CENPC: variants seen among roughly 807,000 people sequenced by gnomAD.
The protein encoded by CENPC is centromere protein C.
Under a neutral mutation model 112.1 loss-of-function variants are expected in CENPC, and 63 were observed. That is an observed-to-expected ratio of 0.56 (90% CI 0.46 to 0.69). CENPC has a LOEUF of 0.69. Ranked by LOEUF, CENPC falls within the 30% of genes least tolerant of loss-of-function variation. The probability of loss-of-function intolerance (pLI) is 0.00; values close to 1 mark genes in which losing one functional copy is unlikely to be tolerated. For missense variants in CENPC, 1,000 were observed against 1,103.8 expected (o/e 0.91, Z 1.33); for synonymous variants, 333 against 367.6 (o/e 0.91, Z 1.08).
At chr4:67,472,717 G>C in intron 18 of CENPC, 42 bp from the exon 19 acceptor site, 2 of 1,441,472 alleles carry the variant, frequency 1.4e-6, no homozygotes, top group Non-Finnish European at 1.8e-6. Flanking sequence ...ATTTACATAT[G>C]AATCATTCTT....
At chr4:67,474,343 G>A (rs1042795054) in intron 18 of CENPC, among the ~76,000 whole-genome samples, 6 of 152,072 alleles carry the variant, frequency 3.9e-5, no homozygotes, top group Admixed American at 3.9e-4. Context: ...GGTATTACAG[G>A]CATGAGCCAC....
At position 67,469,382 on chromosome 4, in the gene CENPC, G is replaced by A. The variant is rs996778002; in HGVS notation, c.*3223C>T. 5.9e-5 allele frequency: 9 copies of A among 152,036 alleles called. No individual in the cohort carries two copies. Among genetic ancestry groups the A allele is most frequent in the East Asian group, 5.8e-4 (3 of 5,174 alleles). The allele number at this position is 152,036 out of a possible 1,614,324, so 9.4% of individuals were successfully genotyped here. ...CTTTTTTTGAGTCAGAGTCTTGCTC[G>A]GCTGCCCAGCCTGGAGTGCAGTTGC... On this transcript the variant is annotated 3_prime_UTR_variant, in exon 19 of 19. Transcript: ENST00000273853.
At chr4:67,531,587 C>A (rs1025470447) in intron 4 of CENPC, among the ~76,000 whole-genome samples, 1 of 152,124 alleles carries the variant, frequency 6.6e-6, no homozygotes, top group Admixed American at 6.5e-5. Context: ...TCTGGGAGTG[C>A]GTAAAATTTT....
chr4:67,480,847 C>T (rs996511125), intron 17 of CENPC, among the ~76,000 whole-genome samples: 2 of 152,060 alleles, frequency 1.3e-5, no homozygotes, highest in African/African-American at 4.8e-5. Context: ...TCATACTGAA[C>T]AAGGAAAAGT....
chr4:67,474,735 T>A, intron 18 of CENPC, 153 bp downstream of exon 18: 1 of 637,098 alleles, frequency 1.6e-6, no homozygotes, highest in Admixed American at 3.2e-5. Context: ...GCTAATACAC[T>A]TACCTAATGA....
At chr4:67,504,324 A>T (rs935770492) in intron 12 of CENPC, among the ~76,000 whole-genome samples, 1 of 152,180 alleles carries the variant, frequency 6.6e-6, no homozygotes, top group Non-Finnish European at 1.5e-5. Flanking sequence ...ACCAAAGAAA[A>T]AGCAGAAAAA....
At chr4:67,498,357 T>C (rs1197525713) in intron 12 of CENPC, among the ~76,000 whole-genome samples, 11 of 152,208 alleles carry the variant, frequency 7.2e-5, no homozygotes, top group Non-Finnish European at 1.5e-4. Flanking sequence ...CTGATCAGGC[T>C]GGGGTGTCTG....
At chr4:67,485,276 A>G (rs1239896768) in intron 17 of CENPC, among the ~76,000 whole-genome samples, 1 of 152,224 alleles carries the variant, frequency 6.6e-6, no homozygotes, top group Non-Finnish European at 1.5e-5. Flanking sequence ...GTAAAAGAGG[A>G]TAAATCTCTC....
chr4:67,493,797 G>C (rs996660341), intron 14 of CENPC, 87 bp downstream of exon 14: 4 of 730,286 alleles, frequency 5.5e-6, no homozygotes, highest in Non-Finnish European at 9.1e-6. Context: ...ATTAAGTAAG[G>C]TAATGTATAT....
chr4:67,521,251 A>G (rs1721572385), intron 5 of CENPC, among the ~76,000 whole-genome samples: 1 of 148,988 alleles, frequency 6.7e-6, no homozygotes, highest in Non-Finnish European at 1.5e-5. Context: ...CATAAATGAG[A>G]TGAATCAGAT....
At chr4:67,474,738 C>T (rs1724757746) in intron 18 of CENPC, 150 bp downstream of exon 18, 8 of 640,634 alleles carry the variant, frequency 1.2e-5, no homozygotes, top group Admixed American at 3.2e-5. Flanking sequence ...AATACACTTA[C>T]CTAATGATCA....
chr4:67,539,044 A>C (rs1302029174), intron 4 of CENPC, among the ~76,000 whole-genome samples: 1 of 152,222 alleles, frequency 6.6e-6, no homozygotes, highest in Non-Finnish European at 1.5e-5. Flanking sequence ...ATTTTTCAAA[A>C]AAAGACAATA....
intron 17 of CENPC, among the ~76,000 whole-genome samples, chr4:67,483,411 T>C (rs774570398): frequency 9.2e-5 from 14 of 152,052 alleles, no homozygotes; most frequent in African/African-American, 2.2e-4. Flanking sequence ...CCAAAACCTA[T>C]TGAAGTAAAA....
chr4:67,492,771 T>C (rs1220577183), intron 15 of CENPC, 98 bp downstream of exon 15: 4 of 1,377,358 alleles, frequency 2.9e-6, no homozygotes, highest in Non-Finnish European at 3.8e-6. Flanking sequence ...ATTTCTGAAG[T>C]TTTTGGAAGT....
intron 12 of CENPC, among the ~76,000 whole-genome samples, chr4:67,499,665 T>C (rs150964850): frequency 0.017 from 2,595 of 152,324 alleles, 46 homozygotes; most frequent in Non-Finnish European, 0.024. Context: ...GCAGTTTCCC[T>C]TTCTTATCAT....
intron 5 of CENPC, among the ~76,000 whole-genome samples, chr4:67,526,763 C>G (rs1400872308): frequency 2.0e-5 from 3 of 151,858 alleles, no homozygotes; most frequent in Admixed American, 6.6e-5. Flanking sequence ...AAAATTTTAC[C>G]AAGTCACATC....
chr4:67,476,987 T>G (rs1261138098), intron 17 of CENPC, among the ~76,000 whole-genome samples: 1 of 152,114 alleles, frequency 6.6e-6, no homozygotes, highest in Non-Finnish European at 1.5e-5. Context: ...AACCATATTT[T>G]CATCCCCTAC....
Position 67,472,476 on chromosome 4 carries a change from CTACAG to C in CENPC, c.*124_*128del. Reference sequence around the variant, plus strand: ...TTAGAAATGTTTATCAAATACAAGTCTACAGAAAACTGAATAAAATTTTTATTTTA... The same window carrying C: ...TTAGAAATGTTTATCAAATACAAGTCAAAACTGAATAAAATTTTTATTTTA... On this transcript the variant is annotated 3_prime_UTR_variant, in exon 19 of 19. Transcript: ENST00000273853. The C allele has an allele frequency of 8.5e-7, 1 of 1,171,484 alleles. No individual in the cohort carries two copies. The highest frequency in any genetic ancestry group is 3.2e-5 in the East Asian group (1 of 31,024). 72.6% of individuals were successfully genotyped at this position (1,171,484 alleles called of 1,614,324 possible). A position where few individuals can be genotyped will look rare whatever the true frequency, so the allele number is the denominator to read the frequency against.
intron 10 of CENPC, among the ~76,000 whole-genome samples, chr4:67,507,719 A>C (rs1725776042): frequency 6.6e-6 from 1 of 152,124 alleles, no homozygotes; most frequent in African/African-American, 2.4e-5. Flanking sequence ...AAATAGAGAG[A>C]TAATACTTCC....
Sources: gnomAD v4.1 joint callset for allele counts (sites outside exome capture counted in the v4.1 genomes callset) on GRCh38, gnomAD v4.1.1 for gene constraint, MANE v1.5 for transcripts, NCBI Gene and HGNC (gene_info 2026-07-23, HGNC 2026-07-21) for gene names.